Variants in MYMK observed in about 807,000 individuals in gnomAD.
The protein encoded by MYMK is protein myomaker.
In MYMK, 16 loss-of-function variants were observed where a neutral mutation model predicts 22.4. The observed-to-expected ratio is 0.72, with a 90% CI of 0.48 to 1.09. MYMK has a LOEUF of 1.09. MYMK is among the 50% of genes least tolerant of loss of function. The pLI is 0.00. For synonymous variants in MYMK, 125 were observed against 127.0 expected (o/e 0.98, Z 0.11); for missense variants, 250 against 295.6 (o/e 0.85, Z 1.13).
At chr9:133,524,603 A>G (rs1321619126) in intron 1 of MYMK, 107 bp downstream of exon 1, 1 of 1,550,360 alleles carries the variant, frequency 6.5e-7, no homozygotes, top group South Asian at 1.2e-5. Flanking sequence ...TTCATTTTCA[A>G]ATCACTTCTG....
Position 133,515,644 on chromosome 9 carries a change from C to A in MYMK, c.400-37G>T. 2 of 1,440,854 alleles carry A rather than the reference C, an allele frequency of 1.4e-6. No individual in the cohort carries two copies. The highest frequency in any genetic ancestry group is 2.3e-5 in the South Asian group (2 of 87,576). The allele number at this position is 1,440,854 out of a possible 1,614,324, so 89.3% of individuals were successfully genotyped here. A position where few individuals can be genotyped will look rare whatever the true frequency, so the allele number is the denominator to read the frequency against. ...GGAGGCCACAGCAAAGCTTTTAGGT[C>A]ACAGCACTGGGGAACGCCCCTCCCC... On this transcript the variant is annotated intron_variant, in intron 3 of 4. Coordinates refer to ENST00000339996, the MANE Select transcript of MYMK (RefSeq NM_001080483.3). The surrounding 1 kb of genome is among the most constrained non-coding windows in gnomAD (Gnocchi z 5.8).
At chr9:133,519,434 C>T (rs542939586) in intron 2 of MYMK, among the ~76,000 whole-genome samples, 4 of 152,160 alleles carry the variant, frequency 2.6e-5, no homozygotes, top group South Asian at 2.1e-4. Flanking sequence ...GTGGTGCATG[C>T]CTGTCATCCC....
rs1258976790 is a variant in MYMK at position 133,515,790 on chromosome 9, A to T, written c.400-183T>A. Among the ~76,000 whole-genome samples, 1 of 151,936 alleles carries T rather than the reference A, an allele frequency of 6.6e-6. No individual in the cohort carries two copies. The highest frequency in any genetic ancestry group is 1.5e-5 in the Non-Finnish European group (1 of 67,932). On this transcript the variant is annotated intron_variant, in intron 3 of 4. Coordinates refer to ENST00000339996, the MANE Select transcript of MYMK (RefSeq NM_001080483.3). This position sits in a 1 kb window ranked among gnomAD's most constrained non-coding sequence, Gnocchi z 5.8. ...TGGCTTCTGCTGGACAGGGCCCTTCACGGTGCGACCCAGCAGAGACCCCAG... is the reference window on the plus strand; with the variant it reads ...TGGCTTCTGCTGGACAGGGCCCTTCTCGGTGCGACCCAGCAGAGACCCCAG...
Position 133,524,758 on chromosome 9 carries a change from C to A in MYMK, c.87G>T (p.Arg29=), listed in dbSNP as rs1303773061. The change falls in exon 1 of 5, where the codon CGG becomes CGT. Residue 29 remains arginine, a synonymous_variant. Transcript: ENST00000339996. The stretch of plus-strand genomic sequence containing the variant: ...GGTAGACCATGGCCTCCATGTGGAA[C>A]CGCCTCTTGGCCGCGATGCTGACAG... ...LPTVSIAAKR[R]FHMEAMVYLF... 1 of 1,614,078 alleles carries A rather than the reference C, an allele frequency of 6.2e-7. No homozygotes were observed. Among genetic ancestry groups the A allele is most frequent in the African/African-American group, 1.3e-5 (1 of 74,942 alleles).
At chr9:133,520,857 A>T (rs1205120209) in intron 1 of MYMK, among the ~76,000 whole-genome samples, 1 of 152,128 alleles carries the variant, frequency 6.6e-6, no homozygotes, top group Non-Finnish European at 1.5e-5. Context: ...GGGCATCAGA[A>T]CGCCTGGGGC....
intron 1 of MYMK, among the ~76,000 whole-genome samples, chr9:133,521,570 G>A (rs147915367): frequency 1.3e-5 from 2 of 152,230 alleles, no homozygotes; most frequent in African/African-American, 2.4e-5. Flanking sequence ...GCTTCTCTCT[G>A]TTCTTGTCAG....
intron 1 of MYMK, among the ~76,000 whole-genome samples, chr9:133,523,446 G>A (rs1844726502): frequency 6.6e-6 from 1 of 152,124 alleles, no homozygotes; most frequent in Non-Finnish European, 1.5e-5. Flanking sequence ...GCTGGGGATT[G>A]GGCTGTCAGT....
intron 1 of MYMK, 72 bp downstream of exon 1, chr9:133,524,638 G>C (rs1844738135): frequency 6.2e-7 from 1 of 1,608,006 alleles, no homozygotes; most frequent in Non-Finnish European, 8.5e-7. Context: ...CAAGAACGCT[G>C]TGGACAGAGA....
At chr9:133,522,994 G>A (rs1034335230) in intron 1 of MYMK, among the ~76,000 whole-genome samples, 7 of 152,204 alleles carry the variant, frequency 4.6e-5, no homozygotes, top group Admixed American at 6.5e-5. Flanking sequence ...TGCACAGAGC[G>A]CCTAGCCGAG....
chr9:133,524,756 A>C lies in MYMK; in HGVS notation c.89T>G (p.Phe30Cys). The change falls in exon 1 of 5, where the codon TTC becomes TGC. Residue 30 changes from phenylalanine (F) to cysteine (C), a missense_variant. Physicochemically the swap from Phe to Cys is radical, Grantham distance 205 (BLOSUM62 -2). Transcript: ENST00000339996. ...GAGGTAGACCATGGCCTCCATGTGG[A>C]ACCGCCTCTTGGCCGCGATGCTGAC... Reference protein sequence around the residue: ...PTVSIAAKRRFHMEAMVYLFT... With the variant: ...PTVSIAAKRRCHMEAMVYLFT... 1 of 1,614,170 alleles carries C rather than the reference A, an allele frequency of 6.2e-7. No homozygotes were observed. The highest frequency in any genetic ancestry group is 8.5e-7 in the Non-Finnish European group (1 of 1,180,028).
At chr9:133,522,428 T>C (rs1011089971) in intron 1 of MYMK, among the ~76,000 whole-genome samples, 3 of 151,266 alleles carry the variant, frequency 2.0e-5, no homozygotes, top group Non-Finnish European at 4.4e-5. Flanking sequence ...GGCACAGAGA[T>C]GGAGATTGTC....
chr9:133,515,758 C>T lies in MYMK; in HGVS notation c.400-151G>A. 1 of 602,664 alleles carries T rather than the reference C, an allele frequency of 1.7e-6. No homozygotes were observed. The highest frequency in any genetic ancestry group is 3.0e-6 in the Non-Finnish European group (1 of 336,260). 37.3% of individuals were successfully genotyped at this position (602,664 alleles called of 1,614,324 possible). A position where few individuals can be genotyped will look rare whatever the true frequency, so the allele number is the denominator to read the frequency against. ...CTCAGGAGCCTCCTGCCGCACCCAG[C>T]CTCAGATGGCTTCTGCTGGACAGGG... On this transcript the variant is annotated intron_variant, in intron 3 of 4. Transcript: ENST00000339996. This position sits in a 1 kb window ranked among gnomAD's most constrained non-coding sequence, Gnocchi z 5.8.
In MYMK at chr9:133,518,871, C is replaced by T. The variant is rs908748804; in HGVS notation, c.399+3G>A. On this transcript the variant is annotated splice_donor_region_variant and intron_variant, in intron 3 of 4. Coordinates refer to ENST00000339996, the MANE Select transcript of MYMK (RefSeq NM_001080483.3). Reference sequence around the variant, plus strand: ...CGTTCATCGAGGCTCGCGCAGTACGCACCCACTTTGCCGCGATGATGAGGA... The same window carrying T: ...CGTTCATCGAGGCTCGCGCAGTACGTACCCACTTTGCCGCGATGATGAGGA... The T allele has an allele frequency of 1.2e-6, 2 of 1,611,430 alleles. No homozygotes were observed. The highest frequency in any genetic ancestry group is 2.7e-5 in the African/African-American group (2 of 74,910).
At chr9:133,516,520 C>T (rs1429248035) in intron 3 of MYMK, among the ~76,000 whole-genome samples, 1 of 152,228 alleles carries the variant, frequency 6.6e-6, no homozygotes, top group Non-Finnish European at 1.5e-5. Flanking sequence ...CCCATAACTG[C>T]ACCCATTGCT....
chr9:133,522,618 A>T (rs1238332036), intron 1 of MYMK, among the ~76,000 whole-genome samples: 1 of 152,160 alleles, frequency 6.6e-6, no homozygotes, highest in Non-Finnish European at 1.5e-5. Flanking sequence ...GGGCCAGCCT[A>T]GGCCCAGGCA....
chr9:133,523,955 A>G (rs1208859429), intron 1 of MYMK, among the ~76,000 whole-genome samples: 1 of 152,102 alleles, frequency 6.6e-6, no homozygotes, highest in Non-Finnish European at 1.5e-5. Context: ...AAAGAGAGAG[A>G]GAGAAGACAG....
In MYMK at chr9:133,518,877, C is replaced by T. The variant is rs2131069583; in HGVS notation, c.396G>A (p.Lys132=). 2 of 1,612,306 alleles carry T rather than the reference C, an allele frequency of 1.2e-6. No homozygotes were observed. Among genetic ancestry groups the T allele is most frequent in the Non-Finnish European group, 8.5e-7 (1 of 1,179,654 alleles). ...TCGAGGCTCGCGCAGTACGCACCCACTTTGCCGCGATGATGAGGATGGCTG... is the reference window on the plus strand; with the variant it reads ...TCGAGGCTCGCGCAGTACGCACCCATTTTGCCGCGATGATGAGGATGGCTG... ...IGTAILIIAA[K]WLQKMKEKKG... Residue 132 remains lysine (K), a synonymous_variant, in exon 3 of 5, where the codon AAG becomes AAA. Coordinates refer to ENST00000339996, the MANE Select transcript of MYMK (RefSeq NM_001080483.3).
intron 3 of MYMK, 54 bp downstream of exon 3, chr9:133,518,820 G>T (rs909108746): frequency 1.9e-6 from 3 of 1,576,836 alleles, no homozygotes; most frequent in African/African-American, 2.7e-5. Context: ...TCAGACAGGG[G>T]AGAGGTGACG....
rs535729026 is a variant in MYMK, at chr9:133,522,454, T to G, written c.136-2166A>C. Among the ~76,000 whole-genome samples the G allele has an allele frequency of 7.2e-5, 11 of 152,022 alleles. No homozygotes were observed. In the East Asian group the frequency reaches 2.1e-3, roughly 30 times the overall value. ...GGAGATTGTCACGGGAGGGGCCTGA[T>G]TGGAAGGGAAGGGACGCCATGCGGG... On this transcript the variant is annotated intron_variant, in intron 1 of 4. Coordinates refer to ENST00000339996, the MANE Select transcript of MYMK (RefSeq NM_001080483.3).
Sources: gnomAD v4.1 joint callset for allele counts (sites outside exome capture counted in the v4.1 genomes callset) on GRCh38, gnomAD v4.1.1 for gene constraint, Gnocchi (gnomAD v3.1) non-coding constraint, MANE v1.5 for transcripts, NCBI Gene and HGNC (gene_info 2026-07-23, HGNC 2026-07-21) for gene names.